The following MEMO1 variants were observed in gnomAD, a reference collection of about 807,000 sequenced individuals.
MEMO1 encodes protein MEMO1.
Under a neutral mutation model 45.2 loss-of-function variants are expected in MEMO1, and 6 were observed. The ratio of observed to expected loss-of-function variants is 0.13; its 90% confidence interval spans 0.07 to 0.26. MEMO1 has a LOEUF of 0.26. Among genes scored for constraint, MEMO1 ranks in the 10% least tolerant of loss-of-function variants. The pLI is 1.00. For synonymous variants in MEMO1, 78 were observed against 124.3 expected (o/e 0.63, Z 2.48); for missense variants, 184 against 370.5 (o/e 0.50, Z 4.13).
chr2:31,964,978 T>C (rs1057490021), intron 2 of MEMO1, among the ~76,000 whole-genome samples: 18 of 151,078 alleles, frequency 1.2e-4, no homozygotes, highest in African/African-American at 3.9e-4. Flanking sequence ...CATTGGGAGG[T>C]TGAGGCGGGT....
intron 3 of MEMO1, among the ~76,000 whole-genome samples, chr2:31,938,981 C>T (rs1017138403): frequency 5.9e-5 from 9 of 151,416 alleles, no homozygotes; most frequent in African/African-American, 1.5e-4. Context: ...GAGGGGGTTT[C>T]GCCATGTTGC....
intron 3 of MEMO1, among the ~76,000 whole-genome samples, chr2:31,934,381 T>C (rs1288958432): frequency 6.6e-6 from 1 of 152,052 alleles, no homozygotes; most frequent in African/African-American, 2.4e-5. Flanking sequence ...AGCTCAGTTC[T>C]TAACATCCAG....
chr2:31,956,473 T>C (rs749493707), intron 2 of MEMO1, among the ~76,000 whole-genome samples: 5 of 152,218 alleles, frequency 3.3e-5, no homozygotes, highest in Non-Finnish European at 7.3e-5. Flanking sequence ...CTGATTTCCT[T>C]CTGTAAGAGC....
chr2:32,000,903 T>C (rs1238755114), intron 2 of MEMO1, among the ~76,000 whole-genome samples: 5 of 152,166 alleles, frequency 3.3e-5, no homozygotes, highest in African/African-American at 2.4e-5. Flanking sequence ...CCAGGAATTT[T>C]AGTCTGTTTC....
chr2:31,908,957 T>C (rs1010718159), intron 6 of MEMO1, among the ~76,000 whole-genome samples: 1 of 152,146 alleles, frequency 6.6e-6, no homozygotes, highest in African/African-American at 2.4e-5. Context: ...TTACAACTGA[T>C]CACAGAATTA....
intron 6 of MEMO1, among the ~76,000 whole-genome samples, chr2:31,913,178 T>C (rs953134497): frequency 3.6e-5 from 5 of 138,786 alleles, no homozygotes; most frequent in African/African-American, 1.4e-4. Context: ...GGCAGGAGAA[T>C]CACTTGACCC....
intron 2 of MEMO1, among the ~76,000 whole-genome samples, chr2:31,957,936 G>A (rs1176073950): frequency 3.3e-5 from 5 of 152,166 alleles, no homozygotes; most frequent in Non-Finnish European, 4.4e-5. Context: ...AGTACTGCAA[G>A]TGCCAGCTCA....
chr2:31,913,038 G>A (rs941836507), intron 6 of MEMO1, among the ~76,000 whole-genome samples: 1 of 151,966 alleles, frequency 6.6e-6, no homozygotes, highest in Admixed American at 6.6e-5. Flanking sequence ...CAGCACCTTG[G>A]GAGGCCAAGG....
At chr2:31,932,362 T>C (rs1664286903) in intron 3 of MEMO1, among the ~76,000 whole-genome samples, 1 of 152,192 alleles carries the variant, frequency 6.6e-6, no homozygotes, top group South Asian at 2.1e-4. Flanking sequence ...AATTTTTTTT[T>C]GTCTGAAAGA....
chr2:31,877,778 C>T (rs1177438525), intron 8 of MEMO1, among the ~76,000 whole-genome samples: 2 of 152,064 alleles, frequency 1.3e-5, no homozygotes, highest in African/African-American at 4.8e-5. Flanking sequence ...TTAGTTGTGA[C>T]TGGGCATTTA....
intron 3 of MEMO1, among the ~76,000 whole-genome samples, chr2:31,934,283 C>CA (rs1199974609): frequency 3.3e-5 from 5 of 152,028 alleles, no homozygotes; most frequent in African/African-American, 4.8e-5. Flanking sequence ...TTTAAAGGCT[C>CA]TAATCCCCAA....
intron 3 of MEMO1, among the ~76,000 whole-genome samples, chr2:31,933,346 A>AT (rs869211483): frequency 8.2e-4 from 21 of 25,504 alleles, no homozygotes; most frequent in African/African-American, 3.2e-3. Flanking sequence ...AAAAAAAAAA[A>AT]AAATTTATAT....
intron 4 of MEMO1, among the ~76,000 whole-genome samples, chr2:31,927,566 T>A (rs76208831): frequency 6.6e-6 from 1 of 151,898 alleles, no homozygotes; most frequent in African/African-American, 2.4e-5. Flanking sequence ...GAAAACATAG[T>A]TGTCTTTTAT....
At chr2:31,961,578 C>T (rs1378400607) in intron 2 of MEMO1, among the ~76,000 whole-genome samples, 1 of 151,108 alleles carries the variant, frequency 6.6e-6, no homozygotes, top group African/African-American at 2.4e-5. Flanking sequence ...GCCTGGGCAA[C>T]ACAGTGAGAC....
At chr2:31,996,901 C>T (rs985545323) in intron 2 of MEMO1, among the ~76,000 whole-genome samples, 1 of 152,012 alleles carries the variant, frequency 6.6e-6, no homozygotes, top group Non-Finnish European at 1.5e-5. Flanking sequence ...CAGCAGAGAA[C>T]GCATATTACT....
chr2:31,922,581 G>T (rs1157973006), intron 4 of MEMO1, among the ~76,000 whole-genome samples: 1 of 151,726 alleles, frequency 6.6e-6, no homozygotes, highest in Non-Finnish European at 1.5e-5. Context: ...GGACACCCAG[G>T]TAATAAACCT....
At chr2:31,962,884 T>C (rs932352215) in intron 2 of MEMO1, among the ~76,000 whole-genome samples, 1 of 152,210 alleles carries the variant, frequency 6.6e-6, no homozygotes, top group Non-Finnish European at 1.5e-5. Flanking sequence ...GATTAACATT[T>C]CAATCAGCAG....
intron 2 of MEMO1, among the ~76,000 whole-genome samples, chr2:31,966,776 T>C (rs1431864578): frequency 6.9e-6 from 1 of 145,952 alleles, no homozygotes; most frequent in Non-Finnish European, 1.5e-5. Flanking sequence ...TAAAATAAAA[T>C]CTTTGGAAAA....
chr2:31,905,364 T>C (rs1393537358), intron 6 of MEMO1, among the ~76,000 whole-genome samples: 1 of 152,266 alleles, frequency 6.6e-6, no homozygotes, highest in Non-Finnish European at 1.5e-5. Context: ...TAAGTCATTA[T>C]AAATCTTTAC....
Sources: allele counts gnomAD v4.1 joint callset (sites outside exome capture counted in the v4.1 genomes callset), GRCh38; gene constraint gnomAD v4.1.1; transcripts MANE v1.5; gene names NCBI Gene and HGNC (gene_info 2026-07-23, HGNC 2026-07-21).